Variants in PRPSAP1 observed in about 807,000 individuals in gnomAD.
PRPSAP1 encodes phosphoribosyl pyrophosphate synthetase associated protein 1.
In PRPSAP1, 31 loss-of-function variants were observed where a neutral mutation model predicts 39.4. That is an observed-to-expected ratio of 0.79 (90% CI 0.59 to 1.06). The LOEUF (loss-of-function observed/expected upper bound fraction) is 1.06. Ranked by LOEUF, PRPSAP1 falls within the 50% of genes least tolerant of loss-of-function variation. The pLI is 0.00. For synonymous variants in PRPSAP1, 212 were observed against 192.6 expected, an observed-to-expected ratio of 1.10 and a Z score of -0.83; for missense variants, 430 against 511.6, an observed-to-expected ratio of 0.84 and a Z score of 1.54.
At chr17:76,332,459 T>C in intron 3 of PRPSAP1, 24 bp from the exon 4 acceptor site, 2 of 1,612,292 alleles carry the variant, frequency 1.2e-6, no homozygotes, top group Non-Finnish European at 1.7e-6. Flanking sequence ...AGTTTGTATT[T>C]GGGGATTAAT....
chr17:76,353,740 C>G lies in PRPSAP1; in HGVS notation c.-37G>C. 1 of 1,418,398 alleles carries G rather than the reference C, an allele frequency of 7.1e-7. No individual in the cohort carries two copies. The highest frequency in any genetic ancestry group is 2.9e-5 in the East Asian group (1 of 34,730). 87.9% of individuals were successfully genotyped at this position (1,418,398 alleles called of 1,614,324 possible). ...CGGCGCGGTTACGACCGGCCCCGCGCGGGGCTGCACTCTGAGTGCTTCCGA... is the reference window on the plus strand; with the variant it reads ...CGGCGCGGTTACGACCGGCCCCGCGGGGGGCTGCACTCTGAGTGCTTCCGA... On this transcript the variant is annotated 5_prime_UTR_variant, in exon 1 of 10. Coordinates refer to ENST00000446526, the MANE Select transcript of PRPSAP1 (RefSeq NM_002766.3).
intron 3 of PRPSAP1, among the ~76,000 whole-genome samples, chr17:76,339,144 T>C (rs1243499454): frequency 6.0e-5 from 9 of 150,580 alleles, no homozygotes; most frequent in African/African-American, 2.2e-4. Context: ...GTGGCTCACG[T>C]CTATAATCTC....
chr17:76,332,411 C>T lies in PRPSAP1; in HGVS notation c.315G>A (p.Glu105=). ...IPRDVNTAVM[E]LLIMAYALKT... is the part of the protein sequence containing the mutation. ...TCAGTGCGTAAGCCATGATGAGCAA[C>T]TCCATCACAGCTGTATTCACATCTC... Residue 105 remains glutamate, a synonymous_variant, in exon 4 of 10, where the codon GAG becomes GAA. Coordinates refer to ENST00000446526, the MANE Select transcript of PRPSAP1 (RefSeq NM_002766.3). 1.9e-6 allele frequency: 3 copies of T among 1,614,210 alleles called. No individual in the cohort carries two copies. Among genetic ancestry groups the T allele is most frequent in the Non-Finnish European group, 2.5e-6 (3 of 1,180,034 alleles).
intron 3 of PRPSAP1, among the ~76,000 whole-genome samples, chr17:76,343,347 G>A (rs938282936): frequency 2.0e-5 from 3 of 152,232 alleles, no homozygotes; most frequent in East Asian, 1.9e-4. Context: ...CAAGGGCGAC[G>A]ATCTCTGAAA....
In PRPSAP1 at chr17:76,312,934, A is replaced by G. The variant is rs997832919; in HGVS notation, c.935T>C (p.Met312Thr). 3 of 1,614,056 alleles carry G rather than the reference A, an allele frequency of 1.9e-6. No homozygotes were observed. Among genetic ancestry groups the G allele is most frequent in the African/African-American group, 1.3e-5 (1 of 74,942 alleles). ...KERGAYKIYV[M>T]ATHGILSAEA... ...TGCAGACAGGATGCCGTGGGTGGCC[A>G]TAACATAGATCTTATAGGCGCCTCT... is the stretch of plus-strand genomic sequence containing the variant. The change falls in exon 9 of 10, where the codon ATG becomes ACG. Residue 312 changes from methionine (M) to threonine (T), a missense_variant. Physicochemically the swap from Met to Thr is moderately conservative, Grantham distance 81 (BLOSUM62 -1). This residue lies in a region of PRPSAP1 where 278 missense variants were observed against 376.3 expected (regional missense o/e 0.74). Coordinates refer to ENST00000446526, the MANE Select transcript of PRPSAP1 (RefSeq NM_002766.3).
chr17:76,345,923 C>A, intron 2 of PRPSAP1: 1 of 442,072 alleles, frequency 2.3e-6, no homozygotes, highest in South Asian at 1.7e-5. Flanking sequence ...GTGAGGCTGT[C>A]TGCTAAACCT....
rs550347044 is a variant in PRPSAP1 at position 76,340,803 on chromosome 17, T to C, written c.290+3868A>G. Among the ~76,000 whole-genome samples the C allele has an allele frequency of 1.5e-3, 233 of 151,454 alleles. 1 individual carries two copies. Among genetic ancestry groups the C allele is most frequent in the African/African-American group, 5.2e-3 (213 of 41,212 alleles). On this transcript the variant is annotated intron_variant, in intron 3 of 9. Transcript: ENST00000446526. ...TACTCGGGAGGCTGAGGCAGGAGAA[T>C]TGCTTGAACCTGGGAGGCGGGGGTT...
At chr17:76,352,855 G>C (rs1362530691) in intron 1 of PRPSAP1, among the ~76,000 whole-genome samples, 1 of 152,118 alleles carries the variant, frequency 6.6e-6, no homozygotes, top group Non-Finnish European at 1.5e-5. Flanking sequence ...CACAGAGCTA[G>C]TAAGTGGCAA....
chr17:76,332,566 A>G (rs1343465533), intron 3 of PRPSAP1, 131 bp from the exon 4 acceptor site: 2 of 1,018,232 alleles, frequency 2.0e-6, no homozygotes, highest in Non-Finnish European at 1.4e-6. Flanking sequence ...ACTAGCTTAC[A>G]ATGGCACCTC....
At chr17:76,348,149 C>T (rs1159082239) in intron 2 of PRPSAP1, among the ~76,000 whole-genome samples, 1 of 143,490 alleles carries the variant, frequency 7.0e-6, no homozygotes, top group African/African-American at 2.9e-5. Context: ...TAGTGAGACC[C>T]CATCTTAATA....
upstream of PRPSAP1, chr17:76,354,079 G>A (rs1324732499): frequency 2.9e-6 from 3 of 1,047,738 alleles, no homozygotes; most frequent in East Asian, 8.1e-5. Flanking sequence ...TTCCACGGGA[G>A]CTCTTTCGGT....
At chr17:76,313,069 C>A in intron 8 of PRPSAP1, 53 bp from the exon 9 acceptor site, 1 of 1,581,182 alleles carries the variant, frequency 6.3e-7, no homozygotes, top group Non-Finnish European at 8.6e-7. Flanking sequence ...CTAGCCCATA[C>A]TGTCAATGCA....
rs962656596 is a variant in PRPSAP1, at chr17:76,347,917, T to C, written c.223+612A>G. 2.0e-5 allele frequency among the ~76,000 whole-genome samples: 3 copies of C among 152,098 alleles called. No individual in the cohort carries two copies. The South Asian group carries it at 6.2e-4, about 32-fold the overall frequency. ...ATCAAAGATGAGGCAGGTAAAGGGG[T>C]AGAATCTGGATTCCCAAAGGGCCCC... On this transcript the variant is annotated intron_variant, in intron 2 of 9. Coordinates refer to ENST00000446526, the MANE Select transcript of PRPSAP1 (RefSeq NM_002766.3).
chr17:76,323,818 G>A (rs968651128), intron 7 of PRPSAP1, among the ~76,000 whole-genome samples: 2 of 151,982 alleles, frequency 1.3e-5, no homozygotes, highest in African/African-American at 4.8e-5. Flanking sequence ...ATAACACAGT[G>A]GCAGGGTTTG....
chr17:76,339,027 CG>C (rs2071407545), intron 3 of PRPSAP1, among the ~76,000 whole-genome samples: 1 of 150,834 alleles, frequency 6.6e-6, no homozygotes, highest in Non-Finnish European at 1.5e-5. Flanking sequence ...GAAAGAAACT[CG>C]TCTCAAAAAA....
chr17:76,337,143 T>C (rs2071387735), intron 3 of PRPSAP1, among the ~76,000 whole-genome samples: 1 of 152,182 alleles, frequency 6.6e-6, no homozygotes, highest in Non-Finnish European at 1.5e-5. Context: ...GGTCTTGTAC[T>C]CCTGGGCTCA....
chr17:76,319,635 A>G (rs969315971), intron 7 of PRPSAP1, among the ~76,000 whole-genome samples: 1 of 151,798 alleles, frequency 6.6e-6, no homozygotes, highest in Non-Finnish European at 1.5e-5. Context: ...TGCTCGGCTA[A>G]TTTTTGTAAT....
At chr17:76,348,613 T>A in intron 1 of PRPSAP1, 32 bp from the exon 2 acceptor site, 1 of 1,501,874 alleles carries the variant, frequency 6.7e-7, no homozygotes, top group Non-Finnish European at 8.8e-7. Flanking sequence ...AAAGGGAAAT[T>A]AAGATTACTC....
At chr17:76,316,766 C>T (rs918277490) in intron 7 of PRPSAP1, among the ~76,000 whole-genome samples, 1 of 152,166 alleles carries the variant, frequency 6.6e-6, no homozygotes, top group Non-Finnish European at 1.5e-5. Flanking sequence ...ATTCATCAAA[C>T]GATTTCCAAT....
Sources: allele counts gnomAD v4.1 joint callset (sites outside exome capture counted in the v4.1 genomes callset), GRCh38; gene constraint gnomAD v4.1.1; regional missense constraint gnomAD v4.1.1; transcripts MANE v1.5; gene names NCBI Gene and HGNC (gene_info 2026-07-23, HGNC 2026-07-21).